The following IREB2 variants were observed in gnomAD, a reference collection of about 807,000 sequenced individuals.
IREB2 encodes iron-responsive element-binding protein 2.
A neutral mutation model predicts 118.8 loss-of-function variants in IREB2; 39 were observed. That is an observed-to-expected ratio of 0.33 (90% confidence interval 0.25 to 0.43). The LOEUF is 0.43. IREB2 is among the 20% of genes least tolerant of loss of function. The pLI is 1.00. For synonymous variants in IREB2, 372 were observed against 392.2 expected (o/e 0.95, Z 0.61); for missense variants, 900 against 1,147.3 (o/e 0.78, Z 3.11).
intron 10 of IREB2, among the ~76,000 whole-genome samples, chr15:78,481,272 G>C (rs1038962632): frequency 6.6e-6 from 1 of 152,084 alleles, no homozygotes; most frequent in African/African-American, 2.4e-5. Flanking sequence ...GCGTGATCAC[G>C]GCTCACTGCA....
At chr15:78,470,468 GA>G in intron 5 of IREB2, 63 bp from the exon 6 acceptor site, 1 of 1,031,678 alleles carries the variant, frequency 9.7e-7, no homozygotes, top group Non-Finnish European at 1.4e-6. Flanking sequence ...CGATGACTTA[GA>G]AAGAAACAAG....
intron 12 of IREB2, 60 bp from the exon 13 acceptor site, chr15:78,485,645 T>C: frequency 2.0e-6 from 3 of 1,524,054 alleles, no homozygotes; most frequent in South Asian, 1.2e-5. Flanking sequence ...TTTACTTTAA[T>C]ATGGGTGAGA....
intron 2 of IREB2, among the ~76,000 whole-genome samples, chr15:78,443,851 A>G (rs1476960639): frequency 6.6e-6 from 1 of 151,894 alleles, no homozygotes; most frequent in East Asian, 1.9e-4. Context: ...TCGCCATATT[A>G]ACAAGGCTGG....
In IREB2 at chr15:78,488,341, C is replaced by G; in HGVS notation, c.1951+5C>G. 2 of 1,574,546 alleles carry G rather than the reference C, an allele frequency of 1.3e-6. No homozygotes were observed. The highest frequency in any genetic ancestry group is 1.7e-6 in the Non-Finnish European group (2 of 1,167,638). On this transcript the variant is annotated splice_donor_5th_base_variant and intron_variant, in intron 15 of 21. Transcript: ENST00000258886. Reference sequence around the variant, plus strand: ...ATTTCCAGACAGAACCTTTAGGTATCTTTTCCTTTATGTATATGTATACCT... The same window carrying G: ...ATTTCCAGACAGAACCTTTAGGTATGTTTTCCTTTATGTATATGTATACCT...
intron 7 of IREB2, 104 bp from the exon 8 acceptor site, chr15:78,473,138 G>A (rs1350985800): frequency 1.8e-6 from 2 of 1,101,032 alleles, no homozygotes; most frequent in Admixed American, 2.2e-5. Flanking sequence ...ACTCTGCAAA[G>A]TACTGTGTAA....
chr15:78,449,315 A>G (rs1042621659), intron 2 of IREB2, among the ~76,000 whole-genome samples: 1 of 152,200 alleles, frequency 6.6e-6, no homozygotes, highest in Admixed American at 6.5e-5. Flanking sequence ...ACCGTTACCT[A>G]CTAAGTGGTG....
intron 2 of IREB2, among the ~76,000 whole-genome samples, chr15:78,456,899 C>G (rs1398573780): frequency 6.6e-6 from 1 of 152,082 alleles, no homozygotes; most frequent in East Asian, 1.9e-4. Context: ...CCTTCTTATA[C>G]TACTCTTTCT....
At chr15:78,463,496 TTTTG>T (rs1218201945) in intron 3 of IREB2, among the ~76,000 whole-genome samples, 8 of 152,064 alleles carry the variant, frequency 5.3e-5, no homozygotes, top group African/African-American at 1.9e-4. Context: ...CTCTGTGTTT[TTTTG>T]TTTTGTTTTG....
Position 78,492,964 on chromosome 15 carries a change from T to C in IREB2, c.2325-945T>C, listed in dbSNP as rs530313142. Among the ~76,000 whole-genome samples the C allele has an allele frequency of 2.6e-4, 40 of 152,264 alleles. 2 individuals carry two copies. In the South Asian group the frequency reaches 7.9e-3, roughly 30 times the overall value. On this transcript the variant is annotated intron_variant, in intron 18 of 21. Transcript: ENST00000258886. ...CTCTAATAAGCAATCTAGACCACAA[T>C]GAGCAATCACTGGTAACATTCCAGG... is the stretch of plus-strand genomic sequence containing the variant.
chr15:78,494,111 TA>T (rs763782203), intron 19 of IREB2, 30 bp from the exon 20 acceptor site: 13 of 1,612,814 alleles, frequency 8.1e-6, no homozygotes, highest in Non-Finnish European at 1.0e-5. Context: ...AAATTTGTAT[TA>T]AAAAATTTTG....
intron 2 of IREB2, among the ~76,000 whole-genome samples, chr15:78,456,553 C>T (rs979871254): frequency 4.6e-5 from 7 of 151,500 alleles, no homozygotes; most frequent in Non-Finnish European, 1.0e-4. Context: ...TGTAGCTCAG[C>T]TACTCTGGAG....
At chr15:78,439,038 C>T (rs1429362157) in intron 1 of IREB2, among the ~76,000 whole-genome samples, 1 of 152,170 alleles carries the variant, frequency 6.6e-6, no homozygotes, top group Non-Finnish European at 1.5e-5. Flanking sequence ...CGCTATGAGT[C>T]TGCACAAAAG....
chr15:78,481,053 T>C (rs1311153198), intron 10 of IREB2, among the ~76,000 whole-genome samples: 2 of 151,692 alleles, frequency 1.3e-5, no homozygotes, highest in Admixed American at 6.6e-5. Flanking sequence ...TGGTGGCTTA[T>C]GCCTGTAATT....
At chr15:78,489,002 G>A (rs770494253) in intron 16 of IREB2, among the ~76,000 whole-genome samples, 7 of 152,074 alleles carry the variant, frequency 4.6e-5, no homozygotes, top group Non-Finnish European at 8.8e-5. Context: ...GGTTGATCAC[G>A]TGAGGTCCGG....
intron 2 of IREB2, among the ~76,000 whole-genome samples, chr15:78,455,914 A>G (rs1030198539): frequency 6.6e-5 from 10 of 152,198 alleles, no homozygotes; most frequent in East Asian, 5.8e-4. Flanking sequence ...CCTCACTCAC[A>G]TGGCTGACAG....
chr15:78,463,030 A>G lies in IREB2; in HGVS notation c.215A>G (p.Lys72Arg). The G allele has an allele frequency of 6.2e-7, 1 of 1,612,612 alleles. No individual in the cohort carries two copies. The highest frequency in any genetic ancestry group is 8.5e-7 in the Non-Finnish European group (1 of 1,179,630). ...DVMNILDWKT[K>R]QSNVEVPFFP... ...ATGAACATTTTAGACTGGAAAACCAAACAAAGCAATGTTGAAGTGCCCTTT... is the reference window on the plus strand; with the variant it reads ...ATGAACATTTTAGACTGGAAAACCAGACAAAGCAATGTTGAAGTGCCCTTT... Residue 72 changes from lysine to arginine, a missense_variant, in exon 3 of 22, where the codon AAA becomes AGA. By Grantham distance (26) the Lys-to-Arg change is conservative. Transcript: ENST00000258886.
intron 2 of IREB2, among the ~76,000 whole-genome samples, chr15:78,447,177 TTC>T (rs2050943725): frequency 6.6e-6 from 1 of 151,234 alleles, no homozygotes; most frequent in Admixed American, 6.6e-5. Flanking sequence ...TTTTCTTTCT[TTC>T]TTTTTTTTTT....
At chr15:78,476,093 G>A (rs556453343) in intron 8 of IREB2, 95 bp from the exon 9 acceptor site, 2 of 851,236 alleles carry the variant, frequency 2.3e-6, no homozygotes, top group East Asian at 5.0e-5. Context: ...ACCATCACTA[G>A]TATTGGTTAA....
intron 2 of IREB2, among the ~76,000 whole-genome samples, chr15:78,460,972 A>G (rs575691232): frequency 6.6e-6 from 1 of 152,322 alleles, no homozygotes; most frequent in Admixed American, 6.5e-5. Flanking sequence ...TATATACATA[A>G]CATCCATTTT....
Sources: gnomAD v4.1 joint callset for allele counts (sites outside exome capture counted in the v4.1 genomes callset) on GRCh38, gnomAD v4.1.1 for gene constraint, MANE v1.5 for transcripts, NCBI Gene and HGNC (gene_info 2026-07-23, HGNC 2026-07-21) for gene names.